Variants in UNC13C observed in about 807,000 individuals in gnomAD.
UNC13C encodes unc-13 homolog C.
UNC13C carries 174 observed loss-of-function variants against 245.4 expected under a neutral mutation model. The observed-to-expected ratio is 0.71, with a 90% CI of 0.63 to 0.80. The LOEUF (loss-of-function observed/expected upper bound fraction) is 0.80. Among genes scored for constraint, UNC13C ranks in the 30% least tolerant of loss-of-function variants. The pLI, the probability that UNC13C is intolerant of heterozygous loss-of-function variation, is 0.00. For missense variants in UNC13C, 2,829 were observed against 2,602.9 expected, an observed-to-expected ratio of 1.09 and a Z score of -1.89; for synonymous variants, 992 against 895.1, an observed-to-expected ratio of 1.11 and a Z score of -1.93.
chr15:54,466,921 C>G lies in UNC13C; in HGVS notation c.4934-27687C>G, dbSNP rs150082486. On this transcript the variant is annotated intron_variant, in intron 19 of 32. Coordinates refer to ENST00000260323, the MANE Select transcript of UNC13C (RefSeq NM_001080534.3). ...TAAAATATTATGATAAATTGGGAAA[C>G]TAATATTTGATCCTAAAGAAATTAG... is the stretch of plus-strand genomic sequence containing the variant. Among the ~76,000 whole-genome samples the G allele has an allele frequency of 4.2e-3, 631 of 151,856 alleles. 5 individuals are homozygous for G. Among genetic ancestry groups the G allele is most frequent in the African/African-American group, 0.015 (604 of 41,536 alleles).
Position 54,014,956 on chromosome 15 carries a change from G to T in UNC13C, c.2053G>T (p.Asp685Tyr). 6.2e-7 allele frequency: 1 copy of T among 1,613,808 alleles called. No individual in the cohort carries two copies. Among genetic ancestry groups the T allele is most frequent in the South Asian group, 1.1e-5 (1 of 91,070 alleles). ...TGATTATGAAACAAACAGTCTTTTT[G>T]ACCAACAGCTTGATGTTTACAATAA... Reference protein sequence around the residue: ...GFDYETNSLFDQQLDVYNKDL... With the variant: ...GFDYETNSLFYQQLDVYNKDL... Residue 685 changes from aspartate (D) to tyrosine (Y), a missense_variant, in exon 2 of 33, where the codon GAC becomes TAC. Coordinates refer to ENST00000260323, the MANE Select transcript of UNC13C (RefSeq NM_001080534.3).
chr15:54,531,278 T>C (rs1895724573), intron 25 of UNC13C, among the ~76,000 whole-genome samples: 1 of 152,142 alleles, frequency 6.6e-6, no homozygotes, highest in Non-Finnish European at 1.5e-5. Flanking sequence ...GCCAAGAAAG[T>C]GACTGCTGAT....
chr15:54,106,059 A>G (rs778865760), intron 2 of UNC13C, among the ~76,000 whole-genome samples: 14 of 152,206 alleles, frequency 9.2e-5, no homozygotes, highest in Non-Finnish European at 1.9e-4. Flanking sequence ...AGTCTTCTTC[A>G]GTGAAGTAGT....
At chr15:54,112,035 C>G (rs981703180) in intron 2 of UNC13C, among the ~76,000 whole-genome samples, 2 of 152,162 alleles carry the variant, frequency 1.3e-5, no homozygotes, top group Non-Finnish European at 2.9e-5. Context: ...TGATATAAAG[C>G]CTTCTGCTTA....
At chr15:54,190,196 C>A (rs2034136009) in intron 4 of UNC13C, among the ~76,000 whole-genome samples, 1 of 152,112 alleles carries the variant, frequency 6.6e-6, no homozygotes, top group Non-Finnish European at 1.5e-5. Context: ...GCTAAGCTAG[C>A]AAGCACAACC....
chr15:54,555,008 G>T lies in UNC13C; in HGVS notation c.5878-424G>T, dbSNP rs942999772. 1.1e-4 allele frequency among the ~76,000 whole-genome samples: 16 copies of T among 152,114 alleles called. No homozygotes were observed. In the East Asian group the frequency reaches 3.1e-3, roughly 29 times the overall value. Reference sequence around the variant, plus strand: ...CATCTAAGAAGAAGAATAAAGTGGAGGCATTATATTTAAAATAGACTTTAT... The same window carrying T: ...CATCTAAGAAGAAGAATAAAGTGGATGCATTATATTTAAAATAGACTTTAT... On this transcript the variant is annotated intron_variant, in intron 28 of 32. Transcript: ENST00000260323.
At chr15:54,334,348 C>A (rs2038518561) in intron 16 of UNC13C, among the ~76,000 whole-genome samples, 1 of 152,006 alleles carries the variant, frequency 6.6e-6, no homozygotes, top group Non-Finnish European at 1.5e-5. Flanking sequence ...CCTTACAAAC[C>A]AGGTATTTCT....
rs757716632 is a variant in UNC13C at position 54,265,500 on chromosome 15, A to G, written c.3818+4A>G. The G allele has an allele frequency of 2.6e-6, 4 of 1,531,266 alleles. No homozygotes were observed. The highest frequency in any genetic ancestry group is 3.5e-6 in the Non-Finnish European group (4 of 1,134,094). The allele number at this position is 1,531,266 out of a possible 1,614,324, so 94.9% of individuals were successfully genotyped here. ...TATGGGATGAGAAGTTTTATTTGTGAGTATATAATGTGAAACCTTTACAAA... is the reference window on the plus strand; with the variant it reads ...TATGGGATGAGAAGTTTTATTTGTGGGTATATAATGTGAAACCTTTACAAA... On this transcript the variant is annotated splice_donor_region_variant and intron_variant, in intron 10 of 32. Coordinates refer to ENST00000260323, the MANE Select transcript of UNC13C (RefSeq NM_001080534.3).
chr15:53,845,063 C>T, the UNC13C span, among the ~76,000 whole-genome samples: 1 of 152,144 alleles, frequency 6.6e-6, no homozygotes, highest in Admixed American at 6.5e-5. Flanking sequence ...CAGTGGCTCA[C>T]GTCTGAAATC....
chr15:54,587,447 C>T (rs978444068), intron 30 of UNC13C, among the ~76,000 whole-genome samples: 2 of 152,152 alleles, frequency 1.3e-5, no homozygotes, highest in African/African-American at 4.8e-5. Context: ...AGAACTCACT[C>T]AAAATAACTC....
chr15:54,060,664 C>T (rs1362527117), intron 2 of UNC13C, among the ~76,000 whole-genome samples: 1 of 151,924 alleles, frequency 6.6e-6, no homozygotes, highest in Non-Finnish European at 1.5e-5. Flanking sequence ...AAGACACATG[C>T]ACACGTATGT....
rs1056354531 is a variant in UNC13C at position 54,202,982 on chromosome 15, C to G, written c.3072-32048C>G. Among the ~76,000 whole-genome samples the G allele has an allele frequency of 2.6e-5, 4 of 151,688 alleles. No homozygotes were observed. In the East Asian group the frequency reaches 7.8e-4, roughly 29 times the overall value. On this transcript the variant is annotated intron_variant, in intron 4 of 32. Coordinates refer to ENST00000260323, the MANE Select transcript of UNC13C (RefSeq NM_001080534.3). ...AACAATTCAGCAAGGAAAAAAATTTCTATCAAAAAATGGGCTAAGGACATA... is the reference window on the plus strand; with the variant it reads ...AACAATTCAGCAAGGAAAAAAATTTGTATCAAAAAATGGGCTAAGGACATA...
chr15:54,028,766 C>T (rs1225197196), intron 2 of UNC13C, among the ~76,000 whole-genome samples: 1 of 145,142 alleles, frequency 6.9e-6, no homozygotes, highest in Non-Finnish European at 1.5e-5. Context: ...TCTTGGCTCA[C>T]CGCAAGCTCC....
At chr15:53,870,431 C>A in the UNC13C span, among the ~76,000 whole-genome samples, 2 of 131,488 alleles carry the variant, frequency 1.5e-5, no homozygotes, top group Non-Finnish European at 1.6e-5. Flanking sequence ...TCCCACCCCC[C>A]ACCCCCACAC....
chr15:54,063,448 T>A (rs1897934907), intron 2 of UNC13C, among the ~76,000 whole-genome samples: 1 of 152,004 alleles, frequency 6.6e-6, no homozygotes, highest in Non-Finnish European at 1.5e-5. Flanking sequence ...CAATACCAAC[T>A]GTTTCCTTCA....
intron 1 of UNC13C, among the ~76,000 whole-genome samples, chr15:53,985,651 A>G (rs1894107569): frequency 6.6e-6 from 1 of 152,012 alleles, no homozygotes; most frequent in Non-Finnish European, 1.5e-5. Context: ...CAACCACTGA[A>G]AGGCAGAAGA....
At chr15:54,302,372 A>G (rs1382698372) in intron 13 of UNC13C, among the ~76,000 whole-genome samples, 1 of 152,100 alleles carries the variant, frequency 6.6e-6, no homozygotes, top group Non-Finnish European at 1.5e-5. Context: ...GGCCATACCT[A>G]TGTCCTGAAT....
intron 32 of UNC13C, among the ~76,000 whole-genome samples, chr15:54,626,047 G>A (rs1470084015): frequency 6.6e-6 from 1 of 152,152 alleles, no homozygotes. Flanking sequence ...GTAAAAGGAA[G>A]GAATTTGGAA....
chr15:54,263,577 G>A (rs1366034560), intron 8 of UNC13C, among the ~76,000 whole-genome samples: 1 of 152,096 alleles, frequency 6.6e-6, no homozygotes, highest in Non-Finnish European at 1.5e-5. Context: ...AAAAGCTCTG[G>A]ATATATTAGA....
Sources: gnomAD v4.1 joint callset for allele counts (sites outside exome capture counted in the v4.1 genomes callset) on GRCh38, gnomAD v4.1.1 for gene constraint, MANE v1.5 for transcripts, NCBI Gene and HGNC (gene_info 2026-07-23, HGNC 2026-07-21) for gene names.